Variants in EPHA5 observed in about 807,000 individuals in gnomAD.
EPHA5 encodes ephrin type-A receptor 5.
In EPHA5, 60 loss-of-function variants were observed where a neutral mutation model predicts 105.0. The observed-to-expected ratio is 0.57, with a 90% CI of 0.46 to 0.71. EPHA5 has a LOEUF of 0.71. Among genes scored for constraint, EPHA5 ranks in the 30% least tolerant of loss-of-function variants. The pLI is 0.00. For synonymous variants in EPHA5, 513 were observed against 449.1 expected (o/e 1.14, Z -1.80); for missense variants, 1,218 against 1,274.7 (o/e 0.96, Z 0.68).
intron 3 of EPHA5, among the ~76,000 whole-genome samples, chr4:65,536,203 C>T (rs1188096897): frequency 1.3e-5 from 2 of 151,898 alleles, no homozygotes; most frequent in African/African-American, 4.8e-5. Flanking sequence ...CCCCACAGTG[C>T]TTTGAGCAGA....
chr4:65,365,649 C>CTATATATATA lies in EPHA5; in HGVS notation c.1987+273_1987+282dup, dbSNP rs57048004. Among the ~76,000 whole-genome samples the CTATATATATA allele has an allele frequency of 2.6e-3, 171 of 64,828 alleles. 2 individuals carry two copies. The highest frequency in any genetic ancestry group is 4.1e-3 in the Non-Finnish European group (116 of 28,442). The allele number at this position is 64,828 out of a possible 152,430, so 42.5% of individuals were successfully genotyped here. On this transcript the variant is annotated intron_variant, in intron 10 of 16. Coordinates refer to ENST00000613740, the MANE Select transcript of EPHA5 (RefSeq NM_001281766.3). Reference sequence around the variant, plus strand: ...AATACTTTTGGGTATTACAAATTCACTATATATATATATATATATATATAT... The same window carrying CTATATATATA: ...AATACTTTTGGGTATTACAAATTCACTATATATATATATATATATATATATATATATATAT...
At chr4:65,560,836 C>T (rs868770291) in intron 3 of EPHA5, among the ~76,000 whole-genome samples, 1 of 151,944 alleles carries the variant, frequency 6.6e-6, no homozygotes, top group East Asian at 1.9e-4. Context: ...AGATTTTATG[C>T]TTTCAGTCCT....
At chr4:65,625,755 C>T (rs1290339129) in intron 2 of EPHA5, among the ~76,000 whole-genome samples, 3 of 152,146 alleles carry the variant, frequency 2.0e-5, no homozygotes, top group Non-Finnish European at 2.9e-5. Flanking sequence ...CATCATTCAA[C>T]TAACACAACC....
intron 2 of EPHA5, among the ~76,000 whole-genome samples, chr4:65,629,430 T>C (rs1450972033): frequency 6.6e-6 from 1 of 152,142 alleles, no homozygotes; most frequent in Non-Finnish European, 1.5e-5. Flanking sequence ...AAAAGAATGA[T>C]GATAAATAAA....
At chr4:65,347,263 G>T (rs1722312249) in intron 14 of EPHA5, among the ~76,000 whole-genome samples, 1 of 152,144 alleles carries the variant, frequency 6.6e-6, no homozygotes, top group South Asian at 2.1e-4. Flanking sequence ...AAAATAGTTG[G>T]TAAAGCACTT....
intron 14 of EPHA5, 98 bp downstream of exon 14, chr4:65,347,956 T>C (rs1722377851): frequency 7.3e-6 from 9 of 1,232,884 alleles, no homozygotes; most frequent in Non-Finnish European, 9.9e-6. Flanking sequence ...TTCATTTTCT[T>C]AAGCAACTGT....
chr4:65,447,038 G>A (rs1465618364), intron 5 of EPHA5, among the ~76,000 whole-genome samples: 1 of 134,814 alleles, frequency 7.4e-6, no homozygotes, highest in Non-Finnish European at 1.5e-5. Flanking sequence ...TCAGGCTGGT[G>A]TGCAGTAGCA....
intron 5 of EPHA5, among the ~76,000 whole-genome samples, chr4:65,433,269 G>T (rs192635227): frequency 7.9e-5 from 12 of 151,932 alleles, no homozygotes; most frequent in African/African-American, 2.2e-4. Context: ...ACTTAATTTA[G>T]GTAAAATTTT....
In EPHA5 at chr4:65,669,889, G is replaced by A. The variant is rs2149573281; in HGVS notation, c.-147C>T. 1 of 1,168,822 alleles carries A rather than the reference G, an allele frequency of 8.6e-7. No homozygotes were observed. Among genetic ancestry groups the A allele is most frequent in the East Asian group, 3.2e-5 (1 of 31,364 alleles). The allele number at this position is 1,168,822 out of a possible 1,614,324, so 72.4% of individuals were successfully genotyped here. A position where few individuals can be genotyped will look rare whatever the true frequency, so the allele number is the denominator to read the frequency against. Reference sequence around the variant, plus strand: ...TGGCACGCGGCTCCTCCAAATGTAGGAACCACGGATCCGGCTGAGACAGCT... The same window carrying A: ...TGGCACGCGGCTCCTCCAAATGTAGAAACCACGGATCCGGCTGAGACAGCT... On this transcript the variant is annotated 5_prime_UTR_variant, in exon 1 of 17. Coordinates refer to ENST00000613740, the MANE Select transcript of EPHA5 (RefSeq NM_001281766.3).
intron 2 of EPHA5, among the ~76,000 whole-genome samples, chr4:65,611,115 G>A (rs140358718): frequency 3.3e-5 from 5 of 152,088 alleles, no homozygotes; most frequent in Non-Finnish European, 7.4e-5. Flanking sequence ...AAGGTATTTC[G>A]TGTTTCAGGA....
intron 1 of EPHA5, among the ~76,000 whole-genome samples, chr4:65,648,108 T>TAA (rs1250146207): frequency 6.6e-6 from 1 of 152,186 alleles, no homozygotes; most frequent in Non-Finnish European, 1.5e-5. Context: ...GCTAACTCAT[T>TAA]ATATTTGTTG....
chr4:65,579,028 AT>A (rs1467691997), intron 3 of EPHA5, among the ~76,000 whole-genome samples: 1 of 151,992 alleles, frequency 6.6e-6, no homozygotes, highest in African/African-American at 2.4e-5. Context: ...AAAGAATGGT[AT>A]TTTTTAGTGT....
At chr4:65,447,993 A>G (rs1726716764) in intron 5 of EPHA5, among the ~76,000 whole-genome samples, 1 of 152,160 alleles carries the variant, frequency 6.6e-6, no homozygotes, top group Non-Finnish European at 1.5e-5. Context: ...GATGAAAGTG[A>G]TAGATATAAC....
chr4:65,412,935 C>T (rs1478592757), intron 7 of EPHA5, among the ~76,000 whole-genome samples: 4 of 152,074 alleles, frequency 2.6e-5, no homozygotes, highest in Non-Finnish European at 5.9e-5. Flanking sequence ...TATCAAAGCA[C>T]TCAAGCATAG....
chr4:65,520,930 C>A (rs1255323568), intron 3 of EPHA5, among the ~76,000 whole-genome samples: 1 of 152,078 alleles, frequency 6.6e-6, no homozygotes, highest in Admixed American at 6.5e-5. Flanking sequence ...GTTGGTAGGA[C>A]TGTAAACTGC....
chr4:65,580,448 T>C (rs1181267103), intron 3 of EPHA5, among the ~76,000 whole-genome samples: 2 of 151,804 alleles, frequency 1.3e-5, no homozygotes, highest in Admixed American at 6.6e-5. Flanking sequence ...AATGCAGTCC[T>C]TCCAATGATG....
At chr4:65,562,745 GTTT>G (rs1327577355) in intron 3 of EPHA5, among the ~76,000 whole-genome samples, 1 of 151,952 alleles carries the variant, frequency 6.6e-6, no homozygotes, top group Non-Finnish European at 1.5e-5. Context: ...GAAATATTCT[GTTT>G]TTAAGAAAAT....
chr4:65,342,230 T>C (rs554919162), intron 14 of EPHA5, among the ~76,000 whole-genome samples: 1 of 152,156 alleles, frequency 6.6e-6, no homozygotes, highest in South Asian at 2.1e-4. Flanking sequence ...ATTTTTTATG[T>C]GTCATTTTTT....
intron 10 of EPHA5, 38 bp from the exon 11 acceptor site, chr4:65,365,240 G>T (rs771052874): frequency 1.3e-5 from 20 of 1,578,836 alleles, no homozygotes; most frequent in South Asian, 2.2e-5. Flanking sequence ...AAACTCATTT[G>T]AAATTGTTAG....
Sources: allele counts gnomAD v4.1 joint callset (sites outside exome capture counted in the v4.1 genomes callset), GRCh38; gene constraint gnomAD v4.1.1; transcripts MANE v1.5; gene names NCBI Gene and HGNC (gene_info 2026-07-23, HGNC 2026-07-21).